The following PCDHGA2 variants were observed in gnomAD, a reference collection of about 807,000 sequenced individuals.
The protein encoded by PCDHGA2 is protocadherin gamma-A2.
In PCDHGA2, 40 loss-of-function variants were observed where a neutral mutation model predicts 59.2. The ratio of observed to expected loss-of-function variants is 0.68; its 90% CI spans 0.52 to 0.88. The LOEUF (loss-of-function observed/expected upper bound fraction) is 0.88, where lower values mean the gene tolerates loss of function less well. Among genes scored for constraint, PCDHGA2 ranks in the 40% least tolerant of loss-of-function variants. The pLI, the probability that PCDHGA2 is intolerant of heterozygous loss-of-function variation, is 0.00. For synonymous variants in PCDHGA2, 560 were observed against 526.0 expected (o/e 1.06, Z -0.89); for missense variants, 1,226 against 1,204.0 (o/e 1.02, Z -0.27).
chr5:141,430,560 G>T (rs1184226832), intron 1 of PCDHGA2: 1 of 420,160 alleles, frequency 2.4e-6, no homozygotes, highest in Non-Finnish European at 4.1e-6. Context: ...ACCAATCGGG[G>T]AGAGAAAAGC....
chr5:141,428,224 G>T, intron 1 of PCDHGA2: 1 of 1,164,316 alleles, frequency 8.6e-7, no homozygotes, highest in Non-Finnish European at 1.3e-6. Context: ...AGTCTTCGCA[G>T]ACAGCCTGCA....
At chr5:141,345,626 G>C in intron 1 of PCDHGA2, 1 of 1,614,202 alleles carries the variant, frequency 6.2e-7, no homozygotes. Context: ...TAAAGCTACT[G>C]GTGACAGCCA....
intron 1 of PCDHGA2, among the ~76,000 whole-genome samples, chr5:141,472,213 C>T (rs1294676431): frequency 2.0e-5 from 3 of 152,178 alleles, no homozygotes; most frequent in African/African-American, 7.2e-5. Flanking sequence ...TAAGACCTTA[C>T]TCTCGATCAT....
chr5:141,440,959 G>A (rs1313315196), intron 1 of PCDHGA2: 1 of 152,216 alleles, frequency 6.6e-6, no homozygotes, highest in Non-Finnish European at 1.5e-5. Flanking sequence ...TCAAGGCAGA[G>A]ATCACATATG....
intron 1 of PCDHGA2, chr5:141,423,443 C>A: frequency 6.2e-7 from 1 of 1,613,998 alleles, no homozygotes; most frequent in Non-Finnish European, 8.5e-7. Flanking sequence ...ATGCCCACGT[C>A]ACATTTTGTA....
At chr5:141,402,877 T>C in intron 1 of PCDHGA2, 3 of 1,469,748 alleles carry the variant, frequency 2.0e-6, no homozygotes, top group East Asian at 4.9e-5. Flanking sequence ...CACCATACTT[T>C]GCAGGGTGGA....
At chr5:141,505,536 C>T (rs749205049) in intron 3 of PCDHGA2, 55 bp downstream of exon 3, 9 of 1,610,164 alleles carry the variant, frequency 5.6e-6, no homozygotes, top group Non-Finnish European at 7.6e-6. Context: ...TTCTGGGGTG[C>T]ATCTCACAGC....
At chr5:141,501,127 T>C (rs2099805755) in intron 2 of PCDHGA2, among the ~76,000 whole-genome samples, 5 of 152,024 alleles carry the variant, frequency 3.3e-5, no homozygotes, top group Non-Finnish European at 7.4e-5. Context: ...TCAGCCTCCC[T>C]AAGTGCTGGG....
chr5:141,475,984 G>A, intron 1 of PCDHGA2: 2 of 1,069,308 alleles, frequency 1.9e-6, no homozygotes, highest in Non-Finnish European at 2.7e-6. Flanking sequence ...AACAGCCGGC[G>A]AGCAAATCAA....
rs926814527 is a variant in PCDHGA2 at position 141,388,113 on chromosome 5, G to A, written c.2424+46718G>A. 7 of 1,412,244 alleles carry A rather than the reference G, an allele frequency of 5.0e-6. No individual in the cohort carries two copies. Among genetic ancestry groups the A allele is most frequent in the African/African-American group, 4.3e-5 (3 of 69,434 alleles). 87.5% of individuals were successfully genotyped at this position (1,412,244 alleles called of 1,614,324 possible). On this transcript the variant is annotated intron_variant, in intron 1 of 3. Transcript: ENST00000394576. ...CAGTTCGGAGAAGCCTTACTTCACCGTGAGCGCAGAGAGCGGGGAGTTGCT... is the reference window on the plus strand; with the variant it reads ...CAGTTCGGAGAAGCCTTACTTCACCATGAGCGCAGAGAGCGGGGAGTTGCT...
At chr5:141,422,058 A>G (rs1015726657) in intron 1 of PCDHGA2, 3 of 1,611,890 alleles carry the variant, frequency 1.9e-6, no homozygotes, top group African/African-American at 2.7e-5. Flanking sequence ...TCAACGGGGA[A>G]GTAATGTATT....
chr5:141,399,001 T>G, intron 1 of PCDHGA2: 1 of 1,613,890 alleles, frequency 6.2e-7, no homozygotes, highest in Non-Finnish European at 8.5e-7. Context: ...TAGTCTGAAT[T>G]CAAAGAGCGG....
chr5:141,345,446 C>A (rs1757575609), intron 1 of PCDHGA2: 1 of 1,614,026 alleles, frequency 6.2e-7, no homozygotes, highest in Non-Finnish European at 8.5e-7. Context: ...GAGCCTCCAT[C>A]TTCTCAGTGA....
chr5:141,482,758 T>TGC (rs1413945459), intron 1 of PCDHGA2, among the ~76,000 whole-genome samples: 74 of 141,724 alleles, frequency 5.2e-4, no homozygotes, highest in African/African-American at 9.9e-4. Flanking sequence ...ATTATGGTAT[T>TGC]TCATTATCAC....
intron 1 of PCDHGA2, chr5:141,389,423 C>A (rs779826135): frequency 1.9e-6 from 3 of 1,613,398 alleles, no homozygotes; most frequent in Non-Finnish European, 8.5e-7. Context: ...GGGTGGTGTT[C>A]GCGCAGCGCG....
At chr5:141,478,234 G>C (rs762337749) in intron 1 of PCDHGA2, 21 of 1,614,082 alleles carry the variant, frequency 1.3e-5, no homozygotes, top group Non-Finnish European at 1.8e-5. Flanking sequence ...TGGGGTTTGT[G>C]GTCACAGTGT....
At chr5:141,370,390 G>C in intron 1 of PCDHGA2, 1 of 1,543,894 alleles carries the variant, frequency 6.5e-7, no homozygotes. Flanking sequence ...GGCGCAGAGA[G>C]CGGGATGGGA....
intron 1 of PCDHGA2, among the ~76,000 whole-genome samples, chr5:141,438,623 T>C (rs1485045684): frequency 2.3e-4 from 10 of 42,840 alleles, no homozygotes; most frequent in Non-Finnish European, 3.8e-4. Flanking sequence ...TATATATATA[T>C]ATATATATAT....
rs1188707468 is a variant in PCDHGA2 at position 141,384,157 on chromosome 5, A to G, written c.2424+42762A>G. The G allele has an allele frequency of 8.7e-6, 14 of 1,613,580 alleles. No individual in the cohort carries two copies. The highest frequency in any genetic ancestry group is 1.1e-5 in the South Asian group (1 of 91,054). ...CCGGGAAACACTCTCTTTGTATAAC[A>G]TCACACTGAAAGCCACAGATGGTGG... On this transcript the variant is annotated intron_variant, in intron 1 of 3. Coordinates refer to ENST00000394576, the MANE Select transcript of PCDHGA2 (RefSeq NM_018915.4).
Sources: gnomAD v4.1 joint callset for allele counts (sites outside exome capture counted in the v4.1 genomes callset) on GRCh38, gnomAD v4.1.1 for gene constraint, MANE v1.5 for transcripts, NCBI Gene and HGNC (gene_info 2026-07-23, HGNC 2026-07-21) for gene names.